The following ANKRD33B variants were observed in gnomAD, a reference collection of about 807,000 sequenced individuals.
ANKRD33B encodes the protein ankyrin repeat domain-containing protein 33B.
Under a neutral mutation model 21.5 loss-of-function variants are expected in ANKRD33B, and 6 were observed. That is an observed-to-expected ratio of 0.28 (90% CI 0.15 to 0.55). The LOEUF (loss-of-function observed/expected upper bound fraction) is 0.55. ANKRD33B is among the 20% of genes least tolerant of loss of function. ANKRD33B has a pLI of 0.94. For synonymous variants in ANKRD33B, 347 were observed against 342.4 expected (o/e 1.01, Z -0.15); for missense variants, 698 against 747.2 (o/e 0.93, Z 0.77).
chr5:10,586,223 A>G (rs34614415), intron 1 of ANKRD33B, among the ~76,000 whole-genome samples: 9,720 of 152,018 alleles, frequency 0.064, 406 homozygotes, highest in Middle Eastern at 0.1. Context: ...AAGTCCCACA[A>G]TCCGCTTTGT....
In ANKRD33B at chr5:10,571,949, C is replaced by T. The variant is rs534269619; in HGVS notation, c.366+7116C>T. On this transcript the variant is annotated intron_variant, in intron 1 of 3. Transcript: ENST00000296657. ...TATTGCCCAGGCCGGAGTGCAGTGG[C>T]GCAATCTCGGCTCACTGCAACCTCT... Among the ~76,000 whole-genome samples the T allele has an allele frequency of 6.0e-5, 9 of 149,342 alleles. No homozygotes were observed. The East Asian group carries it at 8.0e-4, about 13-fold the overall frequency.
intron 1 of ANKRD33B, among the ~76,000 whole-genome samples, chr5:10,577,109 TCCCTTC>T (rs1222385557): frequency 1.3e-3 from 198 of 150,096 alleles, no homozygotes; most frequent in Non-Finnish European, 1.9e-3. Flanking sequence ...CCTTCCCCTT[TCCCTTC>T]CCCTTCCCCT....
At chr5:10,569,686 T>C (rs934278893) in intron 1 of ANKRD33B, among the ~76,000 whole-genome samples, 1 of 151,904 alleles carries the variant, frequency 6.6e-6, no homozygotes, top group Non-Finnish European at 1.5e-5. Flanking sequence ...AGAAAGCGGG[T>C]GAGGAGGGCA....
intron 3 of ANKRD33B, among the ~76,000 whole-genome samples, chr5:10,638,736 C>G (rs562798358): frequency 6.7e-6 from 1 of 148,908 alleles, no homozygotes; most frequent in African/African-American, 2.5e-5. Context: ...CGTTAGAAGG[C>G]GATGTGGAGT....
At chr5:10,620,653 T>C (rs1202577086) in intron 2 of ANKRD33B, among the ~76,000 whole-genome samples, 1 of 152,216 alleles carries the variant, frequency 6.6e-6, no homozygotes, top group African/African-American at 2.4e-5. Context: ...TGTTTTGATT[T>C]TATATTCACC....
chr5:10,593,958 G>T (rs1735762894), intron 1 of ANKRD33B, among the ~76,000 whole-genome samples: 1 of 152,194 alleles, frequency 6.6e-6, no homozygotes, highest in Non-Finnish European at 1.5e-5. Context: ...CCGTGGCAAG[G>T]CAGAACCTGT....
At position 10,650,240 on chromosome 5, in the gene ANKRD33B, G is replaced by T. The variant is rs1737315021; in HGVS notation, c.*127G>T. The stretch of plus-strand genomic sequence containing the variant: ...CGCTCCATGGACCACGGGGCTGCGC[G>T]CATTTCCAGGCTGTTTGTCCAGGCT... On this transcript the variant is annotated 3_prime_UTR_variant, in exon 4 of 4. Coordinates refer to ENST00000296657, the MANE Select transcript of ANKRD33B (RefSeq NM_001164440.2). 10 of 1,044,070 alleles carry T rather than the reference G, an allele frequency of 9.6e-6. No homozygotes were observed. Among genetic ancestry groups the T allele is most frequent in the Admixed American group, 8.1e-5 (2 of 24,662 alleles). The allele number at this position is 1,044,070 out of a possible 1,614,324, so 64.7% of individuals were successfully genotyped here. A position where few individuals can be genotyped will look rare whatever the true frequency, so the allele number is the denominator to read the frequency against.
intron 1 of ANKRD33B, among the ~76,000 whole-genome samples, chr5:10,611,536 G>A (rs1736172192): frequency 6.6e-6 from 1 of 152,212 alleles, no homozygotes; most frequent in African/African-American, 2.4e-5. Context: ...TGGAGAAGCA[G>A]TGGGCTGAAA....
In ANKRD33B at chr5:10,588,095, C is replaced by G. The variant is rs1189411203; in HGVS notation, c.366+23262C>G. Among the ~76,000 whole-genome samples the G allele has an allele frequency of 1.3e-5, 2 of 152,072 alleles. 1 individual carries two copies. The highest frequency in any genetic ancestry group is 4.2e-4 in the South Asian group (2 of 4,816). On this transcript the variant is annotated intron_variant, in intron 1 of 3. Coordinates refer to ENST00000296657, the MANE Select transcript of ANKRD33B (RefSeq NM_001164440.2). ...TATCAAAAATGTTGAAACGGCTTTGCTGATCTTCAAAATATTAAGTCATGC... is the reference window on the plus strand; with the variant it reads ...TATCAAAAATGTTGAAACGGCTTTGGTGATCTTCAAAATATTAAGTCATGC...
At chr5:10,573,933 C>T (rs1735259696) in intron 1 of ANKRD33B, among the ~76,000 whole-genome samples, 1 of 152,148 alleles carries the variant, frequency 6.6e-6, no homozygotes, top group South Asian at 2.1e-4. Context: ...TTATCTTAAA[C>T]TCTGACATCA....
chr5:10,616,981 G>A (rs953182831), intron 1 of ANKRD33B, among the ~76,000 whole-genome samples: 9 of 152,278 alleles, frequency 5.9e-5, no homozygotes, highest in Admixed American at 2.0e-4. Flanking sequence ...GTTCTGGCCC[G>A]GGCCCTCTTC....
intron 3 of ANKRD33B, among the ~76,000 whole-genome samples, chr5:10,639,544 T>G (rs374378483): frequency 9.6e-5 from 2 of 20,822 alleles, no homozygotes; most frequent in Admixed American, 4.3e-4. Context: ...GGCGGTGACG[T>G]GGAGTTGCGC....
At chr5:10,633,728 A>G (rs1008410561) in intron 2 of ANKRD33B, among the ~76,000 whole-genome samples, 2 of 152,036 alleles carry the variant, frequency 1.3e-5, no homozygotes, top group Non-Finnish European at 2.9e-5. Flanking sequence ...CATGACCTCG[A>G]CAGTTTTGAG....
At chr5:10,637,028 G>A (rs1245575347) in intron 2 of ANKRD33B, among the ~76,000 whole-genome samples, 7 of 152,184 alleles carry the variant, frequency 4.6e-5, no homozygotes, top group Non-Finnish European at 7.3e-5. Context: ...AGAGTCATGC[G>A]GCCCCCTGTG....
intron 2 of ANKRD33B, among the ~76,000 whole-genome samples, chr5:10,635,202 C>T (rs376396759): frequency 5.9e-5 from 9 of 152,268 alleles, no homozygotes; most frequent in East Asian, 5.8e-4. Context: ...AAGATTGTGA[C>T]GGACACGCTA....
At chr5:10,642,697 G>A (rs1405833469) in intron 3 of ANKRD33B, among the ~76,000 whole-genome samples, 1 of 152,136 alleles carries the variant, frequency 6.6e-6, no homozygotes, top group Non-Finnish European at 1.5e-5. Context: ...GGACATGTTG[G>A]TTGTGATTAT....
chr5:10,565,346 G>T (rs995153919), intron 1 of ANKRD33B, among the ~76,000 whole-genome samples: 2 of 152,248 alleles, frequency 1.3e-5, no homozygotes, highest in African/African-American at 4.8e-5. Context: ...TCCTCCAGCC[G>T]CAATGATTTG....
rs1277248083 is a variant in ANKRD33B at position 10,565,501 on chromosome 5, C to A, written c.366+668C>A. On this transcript the variant is annotated intron_variant, in intron 1 of 3. Transcript: ENST00000296657. ...CTTCGCGAGCCAATGCCAGCCGGGG[C>A]TCCCCAGAGTCAGGGCATAGGGAGA... 2.0e-5 allele frequency among the ~76,000 whole-genome samples: 3 copies of A among 152,292 alleles called. No homozygotes were observed. The East Asian group carries it at 5.8e-4, about 29-fold the overall frequency.
At chr5:10,631,083 G>A (rs1464938387) in intron 2 of ANKRD33B, among the ~76,000 whole-genome samples, 1 of 152,134 alleles carries the variant, frequency 6.6e-6, no homozygotes, top group East Asian at 1.9e-4. Context: ...GTATTTTTAG[G>A]TTTTAGGGAA....
Sources: allele counts gnomAD v4.1 joint callset (sites outside exome capture counted in the v4.1 genomes callset), GRCh38; gene constraint gnomAD v4.1.1; transcripts MANE v1.5; gene names NCBI Gene and HGNC (gene_info 2026-07-23, HGNC 2026-07-21).